Variants in NR3C2 observed in about 807,000 individuals in gnomAD.
NR3C2 encodes nuclear receptor subfamily 3 group C member 2.
Under a neutral mutation model 86.4 loss-of-function variants are expected in NR3C2, and 15 were observed. That is an observed-to-expected ratio of 0.17 (90% CI 0.12 to 0.27). The LOEUF (loss-of-function observed/expected upper bound fraction) is 0.27. Among genes scored for constraint, NR3C2 ranks in the 10% least tolerant of loss-of-function variants. NR3C2 has a pLI of 1.00. For synonymous variants in NR3C2, 458 were observed against 450.5 expected (o/e 1.02, Z -0.21); for missense variants, 960 against 1,195.6 (o/e 0.80, Z 2.91).
At chr4:148,244,811 T>C (rs1473728237) in intron 3 of NR3C2, among the ~76,000 whole-genome samples, 2 of 152,210 alleles carry the variant, frequency 1.3e-5, no homozygotes, top group Non-Finnish European at 2.9e-5. Flanking sequence ...TTACTCCTTT[T>C]ACAAAAATTA....
At chr4:148,332,676 T>C (rs1331665117) in intron 2 of NR3C2, among the ~76,000 whole-genome samples, 3 of 152,240 alleles carry the variant, frequency 2.0e-5, no homozygotes, top group Non-Finnish European at 4.4e-5. Context: ...TATTTCCATG[T>C]AACCTTAGAG....
chr4:148,120,135 T>C (rs1159030071), intron 7 of NR3C2, 23 bp downstream of exon 7: 1 of 1,613,860 alleles, frequency 6.2e-7, no homozygotes, highest in Non-Finnish European at 8.5e-7. Context: ...ATAGAAACAG[T>C]GCCAGAATGG....
rs1750013288 is a variant in NR3C2 at position 148,435,606 on chromosome 4, A to G, written c.1255T>C (p.Ser419Pro). 1 of 1,614,098 alleles carries G rather than the reference A, an allele frequency of 6.2e-7. No homozygotes were observed. Among genetic ancestry groups the G allele is most frequent in the East Asian group, 2.2e-5 (1 of 44,890 alleles). ...SCLGGNSKIN[S>P]DSSFSVPIKQ... The stretch of plus-strand genomic sequence containing the variant: ...ATTGGTACTGAGAATGAAGAATCCG[A>G]ATTTATTTTGCTATTTCCTCCTAGA... Residue 419 changes from serine to proline, a missense_variant, in exon 2 of 9, where the codon TCG becomes CCG. By Grantham distance (74) the Ser-to-Pro change is moderately conservative. Coordinates refer to ENST00000358102, the MANE Select transcript of NR3C2 (RefSeq NM_000901.5).
At chr4:148,166,066 A>G (rs1220809800) in intron 4 of NR3C2, among the ~76,000 whole-genome samples, 1 of 152,256 alleles carries the variant, frequency 6.6e-6, no homozygotes, top group Non-Finnish European at 1.5e-5. Context: ...GACATTATCA[A>G]AACTAGTCTA....
intron 2 of NR3C2, among the ~76,000 whole-genome samples, chr4:148,391,563 T>C (rs61764785): frequency 0.18 from 28,046 of 152,086 alleles, 2,892 homozygotes; most frequent in Non-Finnish European, 0.23. Context: ...GTAATATGTG[T>C]AGTATTTAAA....
chr4:148,332,855 G>A (rs1394623174), intron 2 of NR3C2, among the ~76,000 whole-genome samples: 1 of 152,158 alleles, frequency 6.6e-6, no homozygotes, highest in African/African-American at 2.4e-5. Flanking sequence ...GGGTGTGTTA[G>A]AGTGTGTATG....
At chr4:148,343,406 C>T (rs112652171) in intron 2 of NR3C2, among the ~76,000 whole-genome samples, 4 of 149,598 alleles carry the variant, frequency 2.7e-5, no homozygotes, top group Non-Finnish European at 4.5e-5. Flanking sequence ...TCCGCCCCCC[C>T]GACCCCCCCT....
chr4:148,182,067 C>T (rs1735671873), intron 4 of NR3C2, among the ~76,000 whole-genome samples: 1 of 152,102 alleles, frequency 6.6e-6, no homozygotes, highest in Non-Finnish European at 1.5e-5. Flanking sequence ...TGATCATTTG[C>T]TAAAAGAAAA....
intron 2 of NR3C2, among the ~76,000 whole-genome samples, chr4:148,301,915 A>T (rs906584014): frequency 2.0e-5 from 3 of 152,228 alleles, no homozygotes; most frequent in Non-Finnish European, 4.4e-5. Context: ...TATATTTTCA[A>T]GAATAGTAAT....
At chr4:148,413,025 A>G (rs1748788411) in intron 2 of NR3C2, among the ~76,000 whole-genome samples, 3 of 152,254 alleles carry the variant, frequency 2.0e-5, no homozygotes, top group South Asian at 2.1e-4. Context: ...TAACTGATCA[A>G]AACTAGAAGC....
chr4:148,418,777 G>A, intron 2 of NR3C2, among the ~76,000 whole-genome samples: 1 of 152,206 alleles, frequency 6.6e-6, no homozygotes, highest in East Asian at 1.9e-4. Context: ...AGCATAGGAG[G>A]AAGGACTGTT....
chr4:148,239,083 T>A (rs1205379074), intron 3 of NR3C2, among the ~76,000 whole-genome samples: 1 of 152,144 alleles, frequency 6.6e-6, no homozygotes. Flanking sequence ...GAGTGAAAAG[T>A]GATGAAACTA....
chr4:148,428,192 T>C (rs375010096), intron 2 of NR3C2, among the ~76,000 whole-genome samples: 1 of 152,156 alleles, frequency 6.6e-6, no homozygotes, highest in Admixed American at 6.5e-5. Flanking sequence ...AGTAGAATCC[T>C]GCCCTTCTGT....
At chr4:148,348,613 C>T (rs1745118947) in intron 2 of NR3C2, among the ~76,000 whole-genome samples, 1 of 151,986 alleles carries the variant, frequency 6.6e-6, no homozygotes, top group South Asian at 2.1e-4. Flanking sequence ...ATTATGAACT[C>T]CAATTTTTGT....
chr4:148,444,412 G>C, upstream of NR3C2: 1 of 986,004 alleles, frequency 1.0e-6, no homozygotes, highest in East Asian at 1.1e-4. Context: ...ACCTCCGCTC[G>C]CCAACCCGCG....
intron 2 of NR3C2, among the ~76,000 whole-genome samples, chr4:148,324,371 G>T (rs1185132086): frequency 1.4e-5 from 2 of 145,390 alleles, no homozygotes; most frequent in South Asian, 4.5e-4. Context: ...GTGTGTTTGT[G>T]TGTGTGTTCC....
At chr4:148,322,354 G>C (rs1379557862) in intron 2 of NR3C2, among the ~76,000 whole-genome samples, 2 of 141,514 alleles carry the variant, frequency 1.4e-5, no homozygotes. Flanking sequence ...ACAATCATGT[G>C]TCTTGGAGTT....
At chr4:148,383,520 A>G (rs372001371) in intron 2 of NR3C2, among the ~76,000 whole-genome samples, 2 of 152,190 alleles carry the variant, frequency 1.3e-5, no homozygotes, top group African/African-American at 4.8e-5. Context: ...ATGAAGTTTT[A>G]AAAATGTTAA....
Position 148,435,964 on chromosome 4 carries a change from G to A in NR3C2, c.897C>T (p.Ser299=). Residue 299 remains serine (S), a synonymous_variant, in exon 2 of 9, where the codon AGC becomes AGT. Coordinates refer to ENST00000358102, the MANE Select transcript of NR3C2 (RefSeq NM_000901.5). ...NNVTLRSSVS[S]PANINNSRCS... is the part of the protein sequence containing the mutation. The stretch of plus-strand genomic sequence containing the variant: ...ACCTTGAGTTGTTAATATTTGCAGG[G>A]CTAGACACAGAGGATCTCAGAGTGA... 2 of 1,614,208 alleles carry A rather than the reference G, an allele frequency of 1.2e-6. No homozygotes were observed. Among genetic ancestry groups the A allele is most frequent in the Non-Finnish European group, 1.7e-6 (2 of 1,180,042 alleles).
Sources: gnomAD v4.1 joint callset for allele counts (sites outside exome capture counted in the v4.1 genomes callset) on GRCh38, gnomAD v4.1.1 for gene constraint, MANE v1.5 for transcripts, NCBI Gene and HGNC (gene_info 2026-07-23, HGNC 2026-07-21) for gene names.